C4orf36: variants seen among roughly 807,000 people sequenced by gnomAD.
C4orf36 encodes chromosome 4 open reading frame 36.
A neutral mutation model predicts 12.2 loss-of-function variants in C4orf36; 11 were observed. The ratio of observed to expected loss-of-function variants is 0.90; its 90% confidence interval spans 0.57 to 1.49. The LOEUF (loss-of-function observed/expected upper bound fraction) is 1.49, where lower values mean the gene tolerates loss of function less well. C4orf36 is among the 40% of genes most tolerant of loss of function. The pLI is 0.00. For missense variants in C4orf36, 137 were observed against 133.9 expected (o/e 1.02, Z -0.11); for synonymous variants, 54 against 51.3 (o/e 1.05, Z -0.22).
chr4:86,878,807 G>C (rs942569869), intron 4 of C4orf36, among the ~76,000 whole-genome samples: 1 of 152,224 alleles, frequency 6.6e-6, no homozygotes, highest in Non-Finnish European at 1.5e-5. Context: ...ACAAAGGCAA[G>C]CTCCACAGTT....
At chr4:86,918,526 T>A in the C4orf36 span, among the ~76,000 whole-genome samples, 2 of 152,204 alleles carry the variant, frequency 1.3e-5, no homozygotes, top group African/African-American at 4.8e-5. Flanking sequence ...ATGTTTCCAT[T>A]AGAAATACAA....
At chr4:86,902,429 A>C in the C4orf36 span, among the ~76,000 whole-genome samples, 1 of 150,736 alleles carries the variant, frequency 6.6e-6, no homozygotes, top group Non-Finnish European at 1.5e-5. Context: ...AAAAAAAAAA[A>C]AAAAAAAAAA....
upstream of C4orf36, among the ~76,000 whole-genome samples, chr4:86,896,421 T>C (rs1747590171): frequency 6.6e-6 from 1 of 152,266 alleles, no homozygotes; most frequent in African/African-American, 2.4e-5. Flanking sequence ...AAATGCAGCT[T>C]ACAGTTTTCT....
chr4:86,876,925 G>A (rs544274129), intron 4 of C4orf36, among the ~76,000 whole-genome samples: 1 of 152,160 alleles, frequency 6.6e-6, no homozygotes, highest in South Asian at 2.1e-4. Context: ...AAAACTAACA[G>A]CAACAATGCC....
chr4:86,914,391 C>CTT, the C4orf36 span: 6,004 of 325,364 alleles, frequency 0.018, 30 homozygotes, highest in African/African-American at 0.039. Context: ...CTTCTTCTTC[C>CTT]TTTTTTTTTT....
At chr4:86,909,836 G>A in the C4orf36 span, among the ~76,000 whole-genome samples, 18 of 139,056 alleles carry the variant, frequency 1.3e-4, no homozygotes, top group African/African-American at 4.5e-4. Flanking sequence ...AAGATTGAGC[G>A]TAATTCCTTA....
chr4:86,919,442 C>T, the C4orf36 span, among the ~76,000 whole-genome samples: 2 of 150,900 alleles, frequency 1.3e-5, no homozygotes, highest in Admixed American at 6.6e-5. Flanking sequence ...CCTGCCTCAG[C>T]CTCCTGAGTA....
intron 4 of C4orf36, among the ~76,000 whole-genome samples, chr4:86,884,491 G>T (rs1296627728): frequency 6.6e-6 from 1 of 151,804 alleles, no homozygotes; most frequent in East Asian, 1.9e-4. Context: ...TTTTTGTGGA[G>T]ACCGGGTCTC....
At chr4:86,900,156 C>G in the C4orf36 span, among the ~76,000 whole-genome samples, 1 of 150,866 alleles carries the variant, frequency 6.6e-6, no homozygotes, top group Non-Finnish European at 1.5e-5. Flanking sequence ...CTCCCTCAGC[C>G]TCCCGTGTAG....
intron 4 of C4orf36, among the ~76,000 whole-genome samples, chr4:86,885,208 G>A (rs569291590): frequency 2.6e-5 from 4 of 152,136 alleles, no homozygotes; most frequent in East Asian, 1.9e-4. Flanking sequence ...TATGAACTTT[G>A]AAGTAGTTTT....
chr4:86,881,405 C>T (rs1027418411), intron 4 of C4orf36, among the ~76,000 whole-genome samples: 1 of 152,092 alleles, frequency 6.6e-6, no homozygotes, highest in Non-Finnish European at 1.5e-5. Flanking sequence ...ATGGCTATCT[C>T]CTGATTTTTA....
At chr4:86,911,241 G>C in the C4orf36 span, among the ~76,000 whole-genome samples, 1 of 152,204 alleles carries the variant, frequency 6.6e-6, no homozygotes, top group Non-Finnish European at 1.5e-5. Context: ...GTCCGGGATG[G>C]AGGAGACTTA....
the C4orf36 span, among the ~76,000 whole-genome samples, chr4:86,919,204 G>GTCACTT: frequency 1.3e-5 from 2 of 151,320 alleles, no homozygotes; most frequent in Non-Finnish European, 1.5e-5. Context: ...AGCAAAAATG[G>GTCACTT]TCACTTGGCC....
the C4orf36 span, among the ~76,000 whole-genome samples, chr4:86,934,050 A>G: frequency 1.3e-5 from 2 of 152,242 alleles, no homozygotes; most frequent in African/African-American, 2.4e-5. Context: ...AATTAAAAAG[A>G]GAAAAGGCAG....
chr4:86,891,407 C>G (rs1560474336), intron 2 of C4orf36, 49 bp downstream of exon 2: 1 of 1,560,012 alleles, frequency 6.4e-7, no homozygotes, highest in Non-Finnish European at 8.8e-7. Flanking sequence ...AGACACTCCC[C>G]ACCGCAGTCA....
At chr4:86,877,306 AATTACT>A (rs1166547010) in intron 4 of C4orf36, among the ~76,000 whole-genome samples, 1 of 152,216 alleles carries the variant, frequency 6.6e-6, no homozygotes, top group African/African-American at 2.4e-5. Flanking sequence ...TATTTATGAT[AATTACT>A]GAGATGGAGG....
intron 2 of C4orf36, chr4:86,890,292 A>C (rs1318589414): frequency 1.1e-5 from 4 of 375,418 alleles, no homozygotes; most frequent in Admixed American, 3.0e-5. Context: ...TTGGTTGTGA[A>C]GTTGGGATCT....
the C4orf36 span, among the ~76,000 whole-genome samples, chr4:86,932,765 T>TG: frequency 3.0e-3 from 31 of 10,398 alleles, no homozygotes; most frequent in African/African-American, 2.7e-3. Context: ...GAGATTTATT[T>TG]GGGGGGGTGG....
chr4:86,889,774 G>C (rs1270752940), intron 2 of C4orf36, among the ~76,000 whole-genome samples: 1 of 152,084 alleles, frequency 6.6e-6, no homozygotes, highest in Non-Finnish European at 1.5e-5. Flanking sequence ...AAAATTAGCC[G>C]AATGTGGTGG....
Sources: gnomAD v4.1 joint callset for allele counts (sites outside exome capture counted in the v4.1 genomes callset) on GRCh38, gnomAD v4.1.1 for gene constraint, MANE v1.5 for transcripts, NCBI Gene and HGNC (gene_info 2026-07-23, HGNC 2026-07-21) for gene names.